Variants in NBAS observed in about 807,000 individuals in gnomAD.
NBAS encodes the protein NBAS subunit of NRZ tethering complex.
In NBAS, 219 loss-of-function variants were observed where a neutral mutation model predicts 302.5. The observed-to-expected ratio is 0.72, with a 90% CI of 0.65 to 0.81. NBAS has a LOEUF of 0.81. Among genes scored for constraint, NBAS ranks in the 30% least tolerant of loss-of-function variants. The probability of loss-of-function intolerance (pLI) is 0.00; values close to 1 mark genes in which losing one functional copy is unlikely to be tolerated. For synonymous variants in NBAS, 1,118 were observed against 1,021.6 expected, an observed-to-expected ratio of 1.09 and a Z score of -1.80; for missense variants, 2,932 against 2,841.6, an observed-to-expected ratio of 1.03 and a Z score of -0.72.
At chr2:15,348,602 G>C (rs1283000183) in intron 35 of NBAS, among the ~76,000 whole-genome samples, 1 of 151,768 alleles carries the variant, frequency 6.6e-6, no homozygotes, top group Non-Finnish European at 1.5e-5. Context: ...GCAATTCCAT[G>C]CTCAACAGAA....
intron 11 of NBAS, among the ~76,000 whole-genome samples, chr2:15,492,988 T>C (rs1466643369): frequency 1.3e-5 from 2 of 152,130 alleles, no homozygotes; most frequent in Non-Finnish European, 2.9e-5. Flanking sequence ...ATTATTGTAA[T>C]CCCCATGTGT....
the NBAS span, among the ~76,000 whole-genome samples, chr2:15,054,233 G>A: frequency 3.3e-5 from 5 of 152,320 alleles, no homozygotes; most frequent in East Asian, 7.7e-4. Context: ...CATAGGTAAG[G>A]AAAGCCATGT....
the NBAS span, among the ~76,000 whole-genome samples, chr2:14,960,585 A>C: frequency 6.6e-6 from 1 of 152,186 alleles, no homozygotes; most frequent in Non-Finnish European, 1.5e-5. Context: ...CTTTAAAACA[A>C]AGACACTCTG....
intron 28 of NBAS, among the ~76,000 whole-genome samples, chr2:15,392,067 A>G (rs1558297822): frequency 6.6e-6 from 1 of 152,002 alleles, no homozygotes. Context: ...AGAAAATGCA[A>G]CCAGATGGAA....
intron 9 of NBAS, among the ~76,000 whole-genome samples, chr2:15,534,247 T>C (rs1235407739): frequency 6.6e-6 from 1 of 152,172 alleles, no homozygotes; most frequent in African/African-American, 2.4e-5. Flanking sequence ...ACTAATTCTC[T>C]TGAGTTATGT....
chr2:15,103,784 A>G, the NBAS span, among the ~76,000 whole-genome samples: 3 of 152,190 alleles, frequency 2.0e-5, no homozygotes, highest in African/African-American at 7.2e-5. Context: ...ATAAGGTCTG[A>G]TCAGAGTGGA....
At chr2:15,402,141 T>C (rs748287118) in intron 26 of NBAS, 27 bp downstream of exon 26, 1 of 1,612,786 alleles carries the variant, frequency 6.2e-7, no homozygotes, top group Admixed American at 1.7e-5. Flanking sequence ...AAAAACACAA[T>C]AAGACTGGCA....
At position 15,424,441 on chromosome 2, in the gene NBAS, A is replaced by T. The variant is rs765775671; in HGVS notation, c.2451T>A (p.Asp817Glu). Residue 817 changes from aspartate (D) to glutamate (E), a missense_variant, in exon 23 of 52, where the codon GAT becomes GAA. Physicochemically the swap from Asp to Glu is conservative, Grantham distance 45. Transcript: ENST00000281513. The stretch of plus-strand genomic sequence containing the variant: ...GTGCAGCATACAAGAATTCACTTTC[A>T]TCTTGGAGATTCGGCTCAACAACCA... ...CRMVVEPNLQ[D>E]ESEFLYAAQP... 1 of 1,614,134 alleles carries T rather than the reference A, an allele frequency of 6.2e-7. No individual in the cohort carries two copies. The highest frequency in any genetic ancestry group is 1.1e-5 in the South Asian group (1 of 91,086).
At chr2:15,323,845 A>G (rs1671935677) in intron 38 of NBAS, among the ~76,000 whole-genome samples, 1 of 151,868 alleles carries the variant, frequency 6.6e-6, no homozygotes, top group Admixed American at 6.6e-5. Context: ...AAAACAAACA[A>G]ACAAAAAAAC....
At chr2:15,192,593 T>C (rs1665412345) in intron 48 of NBAS, among the ~76,000 whole-genome samples, 1 of 152,212 alleles carries the variant, frequency 6.6e-6, no homozygotes, top group Non-Finnish European at 1.5e-5. Flanking sequence ...TGTTAAGTGA[T>C]TTCACTAAGG....
At chr2:15,259,603 C>G (rs1273311998) in intron 44 of NBAS, among the ~76,000 whole-genome samples, 1 of 152,180 alleles carries the variant, frequency 6.6e-6, no homozygotes, top group East Asian at 1.9e-4. Context: ...TGGGATCAGT[C>G]TCTTTGCAAT....
chr2:15,442,415 C>T (rs1485992396), intron 21 of NBAS, among the ~76,000 whole-genome samples: 1 of 151,282 alleles, frequency 6.6e-6, no homozygotes, highest in Non-Finnish European at 1.5e-5. Flanking sequence ...GGGTACATAA[C>T]AAAATGAAGG....
the NBAS span, among the ~76,000 whole-genome samples, chr2:14,979,370 T>C: frequency 2.0e-5 from 3 of 152,244 alleles, no homozygotes; most frequent in African/African-American, 7.2e-5. Context: ...AGAAATGTTC[T>C]ATTTATCAGT....
chr2:15,060,006 C>T, the NBAS span, among the ~76,000 whole-genome samples: 1 of 148,744 alleles, frequency 6.7e-6, no homozygotes, highest in Non-Finnish European at 1.5e-5. Flanking sequence ...GTAGAAGTGT[C>T]GTCATTTAAC....
chr2:15,188,755 G>T (rs1394368297), intron 49 of NBAS, among the ~76,000 whole-genome samples: 1 of 152,146 alleles, frequency 6.6e-6, no homozygotes, highest in Non-Finnish European at 1.5e-5. Context: ...GAGAATAAGT[G>T]AATGATTTTA....
At chr2:14,872,016 G>T in the NBAS span, among the ~76,000 whole-genome samples, 5 of 152,056 alleles carry the variant, frequency 3.3e-5, no homozygotes, top group South Asian at 1.0e-3. Context: ...CACATGTATA[G>T]ATACTCACAT....
downstream of NBAS, among the ~76,000 whole-genome samples, chr2:15,165,341 A>G (rs1476066856): frequency 6.6e-6 from 1 of 152,130 alleles, no homozygotes; most frequent in Non-Finnish European, 1.5e-5. Flanking sequence ...CTAATTTGGG[A>G]GAAATATGGT....
the NBAS span, among the ~76,000 whole-genome samples, chr2:14,892,500 A>G: frequency 6.6e-6 from 1 of 151,714 alleles, no homozygotes. Flanking sequence ...TTCTCTTCCA[A>G]GGAAATCCAT....
At chr2:14,789,347 C>G in the NBAS span, among the ~76,000 whole-genome samples, 3 of 152,160 alleles carry the variant, frequency 2.0e-5, no homozygotes, top group African/African-American at 4.8e-5. Context: ...CACTGTCCTG[C>G]GCCCACTGTC....
Sources: gnomAD v4.1 joint callset for allele counts (sites outside exome capture counted in the v4.1 genomes callset) on GRCh38, gnomAD v4.1.1 for gene constraint, MANE v1.5 for transcripts, NCBI Gene and HGNC (gene_info 2026-07-23, HGNC 2026-07-21) for gene names.